CSMD1: variants seen among roughly 807,000 people sequenced by gnomAD.
CSMD1 encodes CUB and Sushi multiple domains 1.
CSMD1 carries 213 observed loss-of-function variants against 417.5 expected under a neutral mutation model. The ratio of observed to expected loss-of-function variants is 0.51; its 90% confidence interval spans 0.46 to 0.57. The LOEUF is 0.57. CSMD1 is among the 20% of genes least tolerant of loss of function. The pLI, the probability that CSMD1 is intolerant of heterozygous loss-of-function variation, is 0.00. For missense variants in CSMD1, 6,923 were observed against 4,529.7 expected (o/e 1.53, Z -15.17); for synonymous variants, 2,862 against 1,736.8 (o/e 1.65, Z -16.11).
intron 4 of CSMD1, among the ~76,000 whole-genome samples, chr8:4,025,115 G>A (rs112824627): frequency 6.6e-6 from 1 of 152,186 alleles, no homozygotes; most frequent in East Asian, 1.9e-4. Flanking sequence ...GACACCGAAG[G>A]GGCTGCAAGA....
intron 5 of CSMD1, among the ~76,000 whole-genome samples, chr8:3,975,565 G>A (rs945199022): frequency 6.6e-6 from 1 of 152,132 alleles, no homozygotes; most frequent in Non-Finnish European, 1.5e-5. Flanking sequence ...GACGGGCAGC[G>A]CTTTATCAGA....
At chr8:3,478,977 G>C (rs777151719) in intron 11 of CSMD1, among the ~76,000 whole-genome samples, 4 of 151,762 alleles carry the variant, frequency 2.6e-5, no homozygotes, top group African/African-American at 9.7e-5. Flanking sequence ...TGGTCCCTCC[G>C]ACCTCCCTCA....
In CSMD1 at chr8:4,758,637, G is replaced by C. The variant is rs367581551; in HGVS notation, c.86-121079C>G. ...AATTGACTCAGTTCCACATGGCTGG[G>C]GAGGCCTCAGGAAACTTACAATCAT... is the stretch of plus-strand genomic sequence containing the variant. On this transcript the variant is annotated intron_variant, in intron 1 of 69. Coordinates refer to ENST00000635120, the MANE Select transcript of CSMD1 (RefSeq NM_033225.6). Among the ~76,000 whole-genome samples, 240 of 152,264 alleles carry C rather than the reference G, an allele frequency of 1.6e-3. 1 individual carries two copies. The highest frequency in any genetic ancestry group is 5.6e-3 in the African/African-American group (234 of 41,544).
At chr8:4,641,215 C>G (rs1162095732) in intron 1 of CSMD1, among the ~76,000 whole-genome samples, 1 of 151,886 alleles carries the variant, frequency 6.6e-6, no homozygotes, top group African/African-American at 2.4e-5. Context: ...ATAATTCAAA[C>G]AAACTTCCAA....
chr8:4,334,622 T>C (rs530748164), intron 3 of CSMD1, among the ~76,000 whole-genome samples: 1 of 152,284 alleles, frequency 6.6e-6, no homozygotes, highest in Non-Finnish European at 1.5e-5. Context: ...CTCTGGAGAA[T>C]GCTGACTAAT....
chr8:4,244,242 G>T lies in CSMD1; in HGVS notation c.415+175711C>A, dbSNP rs1023315355. 2.0e-5 allele frequency among the ~76,000 whole-genome samples: 3 copies of T among 152,124 alleles called. No individual in the cohort carries two copies. In the South Asian group the frequency reaches 6.2e-4, roughly 32 times the overall value. ...CAACAGTAACAGCTAGGCTTGAAACGTTCCACAGAGCACAGGGGCACTGAG... is the reference window on the plus strand; with the variant it reads ...CAACAGTAACAGCTAGGCTTGAAACTTTCCACAGAGCACAGGGGCACTGAG... On this transcript the variant is annotated intron_variant, in intron 3 of 69. Coordinates refer to ENST00000635120, the MANE Select transcript of CSMD1 (RefSeq NM_033225.6).
chr8:3,869,418 T>C (rs1336520717), intron 5 of CSMD1, among the ~76,000 whole-genome samples: 1 of 152,186 alleles, frequency 6.6e-6, no homozygotes, highest in Non-Finnish European at 1.5e-5. Flanking sequence ...TTTACTCCTT[T>C]TCTCCAATCC....
At chr8:3,138,794 A>G (rs1204618555) in intron 41 of CSMD1, among the ~76,000 whole-genome samples, 1 of 152,226 alleles carries the variant, frequency 6.6e-6, no homozygotes, top group Non-Finnish European at 1.5e-5. Context: ...AGACAGAAAT[A>G]AGAGCTTAGC....
chr8:3,454,632 A>C (rs1270453602), intron 12 of CSMD1, among the ~76,000 whole-genome samples: 1 of 152,202 alleles, frequency 6.6e-6, no homozygotes. Context: ...GGAATGTTGA[A>C]TATTGGCCCC....
At chr8:4,429,260 C>G (rs867586796) in intron 2 of CSMD1, among the ~76,000 whole-genome samples, 1 of 151,940 alleles carries the variant, frequency 6.6e-6, no homozygotes, top group Non-Finnish European at 1.5e-5. Flanking sequence ...TTTCAACAGT[C>G]CTATCACTTC....
chr8:3,880,988 A>G (rs551786116), intron 5 of CSMD1, among the ~76,000 whole-genome samples: 1 of 152,284 alleles, frequency 6.6e-6, no homozygotes, highest in African/African-American at 2.4e-5. Flanking sequence ...AGCAAAGGCA[A>G]ATGAAGATCA....
At chr8:4,824,865 C>T (rs997128039) in intron 1 of CSMD1, among the ~76,000 whole-genome samples, 3 of 152,088 alleles carry the variant, frequency 2.0e-5, no homozygotes, top group Non-Finnish European at 2.9e-5. Flanking sequence ...AGTGAAATGT[C>T]ATTGTAATAG....
chr8:3,698,537 T>G (rs985967497), intron 7 of CSMD1, among the ~76,000 whole-genome samples: 1 of 152,246 alleles, frequency 6.6e-6, no homozygotes, highest in African/African-American at 2.4e-5. Context: ...TTAGCAGGCA[T>G]GCCTGCTTCT....
chr8:3,549,804 C>G (rs762255677), intron 10 of CSMD1, among the ~76,000 whole-genome samples: 1 of 152,138 alleles, frequency 6.6e-6, no homozygotes, highest in African/African-American at 2.4e-5. Flanking sequence ...ATAATACACT[C>G]CCTTTCTCTA....
intron 5 of CSMD1, among the ~76,000 whole-genome samples, chr8:3,936,123 G>T (rs529216574): frequency 6.6e-6 from 1 of 151,196 alleles, no homozygotes; most frequent in Non-Finnish European, 1.5e-5. Context: ...AAGGTAGAGA[G>T]AAGTAAGGAA....
At chr8:3,849,358 G>T (rs1049406756) in intron 5 of CSMD1, among the ~76,000 whole-genome samples, 1 of 152,094 alleles carries the variant, frequency 6.6e-6, no homozygotes, top group Non-Finnish European at 1.5e-5. Context: ...GAGAGGTGGG[G>T]TCCACTACCC....
intron 1 of CSMD1, among the ~76,000 whole-genome samples, chr8:4,736,457 T>A (rs569773119): frequency 5.3e-5 from 8 of 152,118 alleles, no homozygotes; most frequent in African/African-American, 1.9e-4. Context: ...AGCAGGCCCC[T>A]CAGGTGGGCA....
At chr8:2,963,451 T>C in intron 59 of CSMD1, 56 bp from the exon 60 acceptor site, 1 of 1,538,418 alleles carries the variant, frequency 6.5e-7, no homozygotes, top group Non-Finnish European at 8.9e-7. Flanking sequence ...GCAGCGGTGA[T>C]GTTCAAACGA....
At chr8:4,581,541 T>A (rs1334046223) in intron 2 of CSMD1, among the ~76,000 whole-genome samples, 1 of 152,218 alleles carries the variant, frequency 6.6e-6, no homozygotes, top group African/African-American at 2.4e-5. Flanking sequence ...CATAACAGAT[T>A]CATTTTAGCC....
Sources: gnomAD v4.1 joint callset for allele counts (sites outside exome capture counted in the v4.1 genomes callset) on GRCh38, gnomAD v4.1.1 for gene constraint, MANE v1.5 for transcripts, NCBI Gene and HGNC (gene_info 2026-07-23, HGNC 2026-07-21) for gene names.